Variants in CCM2 observed in about 807,000 individuals in gnomAD.
The protein encoded by CCM2 is CCM2 scaffold protein.
CCM2 carries 25 observed loss-of-function variants against 44.9 expected under a neutral mutation model. The observed-to-expected ratio is 0.56, with a 90% CI of 0.41 to 0.78. CCM2 has a LOEUF of 0.78. Ranked by LOEUF, CCM2 falls within the 30% of genes least tolerant of loss-of-function variation. The pLI, the probability that CCM2 is intolerant of heterozygous loss-of-function variation, is 0.00. For synonymous variants in CCM2, 219 were observed against 241.1 expected (o/e 0.91, Z 0.85); for missense variants, 481 against 580.6 (o/e 0.83, Z 1.76).
At chr7:45,053,951 T>G (rs548221510) in intron 2 of CCM2, among the ~76,000 whole-genome samples, 139 of 152,338 alleles carry the variant, frequency 9.1e-4, no homozygotes, top group African/African-American at 3.1e-3. Context: ...TTGGCTGAAC[T>G]TTGAAGAGCC....
chr7:45,020,243 G>T (rs1195087427), intron 1 of CCM2, among the ~76,000 whole-genome samples: 1 of 152,008 alleles, frequency 6.6e-6, no homozygotes, highest in Non-Finnish European at 1.5e-5. Context: ...TTTCTTGTTT[G>T]TCTCCAGTGT....
intron 6 of CCM2, chr7:45,072,066 C>A: frequency 5.6e-6 from 2 of 357,756 alleles, no homozygotes; most frequent in South Asian, 4.2e-5. Flanking sequence ...CTCTCTGCAA[C>A]ACTCACCTGC....
chr7:45,068,590 C>A lies in CCM2; in HGVS notation c.609+11C>A. 5 of 1,613,794 alleles carry A rather than the reference C, an allele frequency of 3.1e-6. No homozygotes were observed. Among genetic ancestry groups the A allele is most frequent in the Admixed American group, 3.3e-5 (2 of 60,030 alleles). ...GCTGCAGAGAGCAAGGTGAGACTTT[C>A]TCGCCCCACTTACTCAGAACTGGCT... is the stretch of plus-strand genomic sequence containing the variant. On this transcript the variant is annotated intron_variant, in intron 5 of 9. Coordinates refer to ENST00000258781, the MANE Select transcript of CCM2 (RefSeq NM_031443.4).
intron 1 of CCM2, among the ~76,000 whole-genome samples, chr7:45,016,035 A>G (rs1228225985): frequency 6.6e-6 from 1 of 152,220 alleles, no homozygotes; most frequent in Non-Finnish European, 1.5e-5. Flanking sequence ...GGAATAATTT[A>G]CCTTTGGCCT....
chr7:45,014,503 A>T (rs1796186566), intron 1 of CCM2, among the ~76,000 whole-genome samples: 3 of 151,316 alleles, frequency 2.0e-5, no homozygotes, highest in African/African-American at 7.3e-5. Context: ...TTAACCTTTT[A>T]ATTTTGGCCA....
At chr7:45,062,177 C>T (rs57000866) in intron 2 of CCM2, among the ~76,000 whole-genome samples, 34,084 of 152,116 alleles carry the variant, frequency 0.22, 3,829 homozygotes, top group Admixed American at 0.25. Flanking sequence ...GTGATGACTT[C>T]TGAGCCTTTA....
intron 2 of CCM2, among the ~76,000 whole-genome samples, chr7:45,056,180 A>G (rs886684033): frequency 1.3e-5 from 2 of 152,080 alleles, no homozygotes; most frequent in Non-Finnish European, 2.9e-5. Context: ...CCCTGCTTTT[A>G]TTTCTTTTGT....
chr7:45,020,728 G>C (rs1796449399), intron 1 of CCM2, among the ~76,000 whole-genome samples: 1 of 152,050 alleles, frequency 6.6e-6, no homozygotes, highest in African/African-American at 2.4e-5. Context: ...AGTGGTATTT[G>C]CTAAAAATTT....
At chr7:45,042,452 A>G (rs1305352582) in intron 2 of CCM2, among the ~76,000 whole-genome samples, 3 of 152,188 alleles carry the variant, frequency 2.0e-5, no homozygotes, top group African/African-American at 4.8e-5. Flanking sequence ...GCAAACGCCA[A>G]ACAAGATAAA....
At chr7:45,055,909 A>G (rs1238083858) in intron 2 of CCM2, among the ~76,000 whole-genome samples, 1 of 152,188 alleles carries the variant, frequency 6.6e-6, no homozygotes, top group African/African-American at 2.4e-5. Flanking sequence ...TACTCTAGGT[A>G]TCTTATGTAA....
At chr7:45,059,861 A>G (rs1408385160) in intron 2 of CCM2, among the ~76,000 whole-genome samples, 2 of 152,224 alleles carry the variant, frequency 1.3e-5, no homozygotes, top group African/African-American at 4.8e-5. Flanking sequence ...CAGGTAGTGC[A>G]AATACCTTGT....
chr7:45,026,284 A>G (rs1796686387), intron 1 of CCM2, among the ~76,000 whole-genome samples: 1 of 152,212 alleles, frequency 6.6e-6, no homozygotes, highest in African/African-American at 2.4e-5. Context: ...AGTCCAGTTA[A>G]TACCGGATAT....
chr7:45,071,758 G>A (rs1457826372), intron 6 of CCM2: 6 of 456,526 alleles, frequency 1.3e-5, no homozygotes, highest in Non-Finnish European at 2.6e-5. Flanking sequence ...AGCCAGCCAC[G>A]TGACCTCTTC....
chr7:45,053,216 C>T (rs780810839), intron 2 of CCM2, among the ~76,000 whole-genome samples: 1 of 152,216 alleles, frequency 6.6e-6, no homozygotes, highest in Non-Finnish European at 1.5e-5. Context: ...TACTTTTACC[C>T]AGGTGAATGA....
At chr7:45,045,444 T>C (rs1384281592) in intron 2 of CCM2, among the ~76,000 whole-genome samples, 1 of 152,218 alleles carries the variant, frequency 6.6e-6, no homozygotes, top group Non-Finnish European at 1.5e-5. Context: ...ATTATATCAA[T>C]CAGTGGCAGA....
chr7:45,076,371 C>T lies in CCM2; in HGVS notation c.*314C>T, dbSNP rs1562922807. Reference sequence around the variant, plus strand: ...CAGTCCTGTCGGCTGGGCCCTTGGACGGCTGTCAGTTTTGCACATGATGTT... The same window carrying T: ...CAGTCCTGTCGGCTGGGCCCTTGGATGGCTGTCAGTTTTGCACATGATGTT... On this transcript the variant is annotated 3_prime_UTR_variant, in exon 10 of 10. Transcript: ENST00000258781. 3.7e-6 allele frequency: 2 copies of T among 539,824 alleles called. No homozygotes were observed. The highest frequency in any genetic ancestry group is 3.5e-6 in the Non-Finnish European group (1 of 289,294). The allele number at this position is 539,824 out of a possible 1,614,324, so 33.4% of individuals were successfully genotyped here.
At chr7:45,020,937 T>C (rs1480660038) in intron 1 of CCM2, among the ~76,000 whole-genome samples, 1 of 152,248 alleles carries the variant, frequency 6.6e-6, no homozygotes, top group Non-Finnish European at 1.5e-5. Flanking sequence ...ACCTTGGTAT[T>C]TATTTCAAAC....
intron 1 of CCM2, among the ~76,000 whole-genome samples, chr7:45,009,821 CTAA>C (rs1312835838): frequency 6.6e-6 from 1 of 152,014 alleles, no homozygotes; most frequent in Non-Finnish European, 1.5e-5. Context: ...TCACTTTGAT[CTAA>C]ATACATTAGC....
chr7:45,004,173 A>C (rs1223341854), intron 1 of CCM2, among the ~76,000 whole-genome samples: 1 of 152,186 alleles, frequency 6.6e-6, no homozygotes, highest in Non-Finnish European at 1.5e-5. Context: ...TGTCTCAAGA[A>C]GAAAAAGAGA....
Sources: allele counts gnomAD v4.1 joint callset (sites outside exome capture counted in the v4.1 genomes callset), GRCh38; gene constraint gnomAD v4.1.1; transcripts MANE v1.5; gene names NCBI Gene and HGNC (gene_info 2026-07-23, HGNC 2026-07-21).